The following DUOXA2 variants were observed in gnomAD, a reference collection of about 807,000 sequenced individuals.
DUOXA2 encodes dual oxidase maturation factor 2.
In DUOXA2, 22 loss-of-function variants were observed where a neutral mutation model predicts 27.6. The observed-to-expected ratio is 0.80, with a 90% CI of 0.57 to 1.14. The LOEUF (loss-of-function observed/expected upper bound fraction) is 1.14, where lower values mean the gene tolerates loss of function less well. Among genes scored for constraint, DUOXA2 ranks in the 50% most tolerant of loss-of-function variants. The probability of loss-of-function intolerance (pLI) is 0.00; values close to 1 mark genes in which losing one functional copy is unlikely to be tolerated. For missense variants in DUOXA2, 481 were observed against 419.9 expected (o/e 1.15, Z -1.27); for synonymous variants, 188 against 184.4 (o/e 1.02, Z -0.16).
At chr15:45,116,445 T>G in intron 3 of DUOXA2, 71 bp from the exon 4 acceptor site, 1 of 1,590,998 alleles carries the variant, frequency 6.3e-7, no homozygotes, top group Non-Finnish European at 8.6e-7. Flanking sequence ...ACCCCCACTT[T>G]CCTGTCTGAA....
intron 4 of DUOXA2, 78 bp downstream of exon 4, chr15:45,116,807 T>A: frequency 6.5e-7 from 1 of 1,530,820 alleles, no homozygotes; most frequent in African/African-American, 1.4e-5. Flanking sequence ...GATGCAGGCC[T>A]CGGAGGCGCT....
Position 45,116,203 on chromosome 15 carries a change from TAC to T in DUOXA2, c.287_288del (p.Thr96SerfsTer13). On this transcript the variant is annotated frameshift_variant, in exon 3 of 6. Coordinates refer to ENST00000323030, the MANE Select transcript of DUOXA2 (RefSeq NM_207581.4). LOFTEE classifies it high-confidence loss of function. ...SYKAFSAARV[T>X]ARVRLLVGLE... ...ACAAAGCCTTCAGCGCAGCGCGCGT[TAC>T]AGCCCGTGTCCGTCTGCTCGTGGGC... 1 of 1,614,158 alleles carries T rather than the reference TAC, an allele frequency of 6.2e-7. No individual in the cohort carries two copies. Among genetic ancestry groups the T allele is most frequent in the Non-Finnish European group, 8.5e-7 (1 of 1,180,028 alleles).
rs759433920 is a variant in DUOXA2, at chr15:45,116,236, G to A, written c.318G>A (p.Glu106=). Residue 106 remains glutamate (E), a synonymous_variant, in exon 3 of 6, where the codon GAG becomes GAA. Coordinates refer to ENST00000323030, the MANE Select transcript of DUOXA2 (RefSeq NM_207581.4). ...TARVRLLVGL[E]GINITLTGTP... is the part of the protein sequence containing the mutation. ...GTGTCCGTCTGCTCGTGGGCCTGGA[G>A]GGCATTAATATTACACTCACAGGTG... 1.1e-5 allele frequency: 17 copies of A among 1,613,886 alleles called. No homozygotes were observed. The highest frequency in any genetic ancestry group is 1.0e-4 in the Admixed American group (6 of 59,996).
Position 45,114,653 on chromosome 15 carries a change from T to TGAA in DUOXA2, c.49_50insAAG (p.His16_Ala17insGlu). On this transcript the variant is annotated inframe_insertion, in exon 1 of 6. Transcript: ENST00000323030. ...TGCCTTTTTACCCCCAGCCCCGGCATGCCGCAGGCTTCAGCGTTCCACTGC... is the reference window on the plus strand; with the variant it reads ...TGCCTTTTTACCCCCAGCCCCGGCATGAAGCCGCAGGCTTCAGCGTTCCACTGC... 1 of 1,614,250 alleles carries TGAA rather than the reference T, an allele frequency of 6.2e-7. No individual in the cohort carries two copies. Among genetic ancestry groups the TGAA allele is most frequent in the Non-Finnish European group, 8.5e-7 (1 of 1,180,034 alleles).
At chr15:45,116,848 G>T in intron 4 of DUOXA2, 119 bp downstream of exon 4, 1 of 1,285,182 alleles carries the variant, frequency 7.8e-7, no homozygotes, top group Non-Finnish European at 1.1e-6. Flanking sequence ...GACGCGCTCG[G>T]GGTGGGCATG....
Position 45,117,936 on chromosome 15 carries a change from C to T in DUOXA2, c.*27C>T. The T allele has an allele frequency of 6.2e-7, 1 of 1,613,132 alleles. No homozygotes were observed. Among genetic ancestry groups the T allele is most frequent in the Non-Finnish European group, 8.5e-7 (1 of 1,179,948 alleles). On this transcript the variant is annotated 3_prime_UTR_variant, in exon 6 of 6. Transcript: ENST00000323030. ...GGGGACCCAATCTGGACTCCTTCCC[C>T]GCCTTGGGACATCGCAGGCCGGGAA...
In DUOXA2 at chr15:45,118,396, G is replaced by T. The variant is rs1188188857; in HGVS notation, c.*487G>T. ...CTAGCCCAGCTGAGTGGGGTGGGAA[G>T]GAATAGCGTTTTGGAGTTGATTCCC... is the stretch of plus-strand genomic sequence containing the variant. On this transcript the variant is annotated 3_prime_UTR_variant, in exon 6 of 6. Transcript: ENST00000323030. 9.4e-7 allele frequency: 1 copy of T among 1,065,848 alleles called. No individual in the cohort carries two copies. Among genetic ancestry groups the T allele is most frequent in the African/African-American group, 1.7e-5 (1 of 60,124 alleles). The allele number at this position is 1,065,848 out of a possible 1,614,324, so 66.0% of individuals were successfully genotyped here.
chr15:45,117,634 T>C, intron 5 of DUOXA2, 82 bp from the exon 6 acceptor site: 1 of 1,613,786 alleles, frequency 6.2e-7, no homozygotes, highest in Non-Finnish European at 8.5e-7. Flanking sequence ...GAAGGTCGTT[T>C]GAGGCCAGAG....
rs182822763 is a variant in DUOXA2 at position 45,115,416 on chromosome 15, C to T, written c.148-383C>T. The T allele has an allele frequency of 1.1e-4, 56 of 488,092 alleles. No individual in the cohort carries two copies. In the Admixed American group the frequency reaches 1.3e-3, roughly 11 times the overall value. The allele number at this position is 488,092 out of a possible 1,614,324, so 30.2% of individuals were successfully genotyped here. A position where few individuals can be genotyped will look rare whatever the true frequency, so the allele number is the denominator to read the frequency against. On this transcript the variant is annotated intron_variant, in intron 1 of 5. Transcript: ENST00000323030. ...CCTCGGAGATCAGGCTGGGGCCTCC[C>T]TCTTCTGAGGGAGGTGACCCCTGCG... is the stretch of plus-strand genomic sequence containing the variant.
rs1226900493 is a variant in DUOXA2 at position 45,118,341 on chromosome 15, AC to A, written c.*435del. 1.8e-5 allele frequency: 21 copies of A among 1,187,972 alleles called. No individual in the cohort carries two copies. Among genetic ancestry groups the A allele is most frequent in the Non-Finnish European group, 2.1e-5 (20 of 957,432 alleles). 73.6% of individuals were successfully genotyped at this position (1,187,972 alleles called of 1,614,324 possible). A position where few individuals can be genotyped will look rare whatever the true frequency, so the allele number is the denominator to read the frequency against. On this transcript the variant is annotated 3_prime_UTR_variant, in exon 6 of 6. Transcript: ENST00000323030. ...TTAGGTGGCAGTGATGAGGCAGGTC[AC>A]CCACTCCCCCGTCCTGGATGCCACT...
intron 3 of DUOXA2, 81 bp from the exon 4 acceptor site, chr15:45,116,435 A>AC: frequency 6.3e-7 from 1 of 1,576,274 alleles, no homozygotes; most frequent in Non-Finnish European, 8.7e-7. Context: ...AGAGCGCCAC[A>AC]CCCCCACTTT....
At position 45,114,864 on chromosome 15, in the gene DUOXA2, T is replaced by C. The variant is rs1028102008; in HGVS notation, c.147+112T>C. On this transcript the variant is annotated intron_variant, in intron 1 of 5. Coordinates refer to ENST00000323030, the MANE Select transcript of DUOXA2 (RefSeq NM_207581.4). ...ACAAGAGCCTCCATGAATAGTCGAA[T>C]TGAGGCTCAGGTGGAGTGAAGTCAG... is the stretch of plus-strand genomic sequence containing the variant. 1.3e-5 allele frequency: 20 copies of C among 1,521,712 alleles called. No homozygotes were observed. The Middle Eastern group carries it at 6.3e-4, about 48-fold the overall frequency. 94.3% of individuals were successfully genotyped at this position (1,521,712 alleles called of 1,614,324 possible).
At chr15:45,115,095 C>T (rs926263656) in intron 1 of DUOXA2, among the ~76,000 whole-genome samples, 1 of 152,160 alleles carries the variant, frequency 6.6e-6, no homozygotes, top group South Asian at 2.1e-4. Flanking sequence ...TCATCCCATC[C>T]GGTGGGTGAT....
chr15:45,116,757 A>G, intron 4 of DUOXA2, 28 bp downstream of exon 4: 1 of 1,609,530 alleles, frequency 6.2e-7, no homozygotes, highest in Non-Finnish European at 8.5e-7. Flanking sequence ...GGCTGTGTGC[A>G]CGTGTGTGTG....
In DUOXA2 at chr15:45,118,169, G is replaced by T; in HGVS notation, c.*260G>T. 7.0e-7 allele frequency: 1 copy of T among 1,436,332 alleles called. No individual in the cohort carries two copies. Among genetic ancestry groups the T allele is most frequent in the South Asian group, 1.5e-5 (1 of 66,866 alleles). 89.0% of individuals were successfully genotyped at this position (1,436,332 alleles called of 1,614,324 possible). A position where few individuals can be genotyped will look rare whatever the true frequency, so the allele number is the denominator to read the frequency against. ...GGGGTCGCACGTCCTCATGAGCTTC[G>T]CTGGGCTGGAGACAGCCTAGTACAC... On this transcript the variant is annotated 3_prime_UTR_variant, in exon 6 of 6. Transcript: ENST00000323030.
chr15:45,117,988 A>T lies in DUOXA2; in HGVS notation c.*79A>T. ...CAGTGCCCGCCAGGCCTGGGCCAGG[A>T]GAGCTCCAGGAAGGGCACTGAGCGC... On this transcript the variant is annotated 3_prime_UTR_variant, in exon 6 of 6. Coordinates refer to ENST00000323030, the MANE Select transcript of DUOXA2 (RefSeq NM_207581.4). The T allele has an allele frequency of 6.2e-7, 1 of 1,612,364 alleles. No homozygotes were observed. Among genetic ancestry groups the T allele is most frequent in the Non-Finnish European group, 8.5e-7 (1 of 1,179,438 alleles).
In DUOXA2 at chr15:45,114,665, C is replaced by T; in HGVS notation, c.60C>T (p.Phe20=). The change falls in exon 1 of 6, where the codon TTC becomes TTT. Residue 20 remains phenylalanine, a synonymous_variant. Coordinates refer to ENST00000323030, the MANE Select transcript of DUOXA2 (RefSeq NM_207581.4). ...FYPQPRHAAG[F]SVPLLIVILV... ...CCCAGCCCCGGCATGCCGCAGGCTT[C>T]AGCGTTCCACTGCTCATCGTTATTC... 6.2e-7 allele frequency: 1 copy of T among 1,614,242 alleles called. No individual in the cohort carries two copies. Among genetic ancestry groups the T allele is most frequent in the Non-Finnish European group, 8.5e-7 (1 of 1,180,038 alleles).
At chr15:45,116,421 G>A in intron 3 of DUOXA2, 95 bp from the exon 4 acceptor site, 1 of 1,563,436 alleles carries the variant, frequency 6.4e-7, no homozygotes, top group East Asian at 2.2e-5. Flanking sequence ...CATTTCTCCC[G>A]CCGAGAGCGC....
chr15:45,117,754 C>T lies in DUOXA2; in HGVS notation c.808C>T (p.Leu270Phe). 6.2e-7 allele frequency: 1 copy of T among 1,613,690 alleles called. No homozygotes were observed. Among genetic ancestry groups the T allele is most frequent in the Non-Finnish European group, 8.5e-7 (1 of 1,179,740 alleles). ...CLFLGGAVVSLQYVRPSALRT... is the reference protein window; with the variant it reads ...CLFLGGAVVSFQYVRPSALRT... Reference sequence around the variant, plus strand: ...CTTCCTCGGAGGGGCCGTGGTGAGTCTCCAGTATGTTCGGCCCAGCGCTCT... The same window carrying T: ...CTTCCTCGGAGGGGCCGTGGTGAGTTTCCAGTATGTTCGGCCCAGCGCTCT... Residue 270 changes from leucine (L) to phenylalanine (F), a missense_variant, in exon 6 of 6, where the codon CTC (leucine) becomes TTC (phenylalanine). By Grantham distance (22) the Leu-to-Phe change is conservative. Transcript: ENST00000323030.
Sources: gnomAD v4.1 joint callset for allele counts (sites outside exome capture counted in the v4.1 genomes callset) on GRCh38, gnomAD v4.1.1 for gene constraint, MANE v1.5 for transcripts, NCBI Gene and HGNC (gene_info 2026-07-23, HGNC 2026-07-21) for gene names.